Variants in ZNF462 observed in about 807,000 individuals in gnomAD.
The protein encoded by ZNF462 is zinc finger protein 462.
ZNF462 carries 10 observed loss-of-function variants against 201.9 expected under a neutral mutation model. That is an observed-to-expected ratio of 0.05 (90% CI 0.03 to 0.08). The LOEUF (loss-of-function observed/expected upper bound fraction) is 0.08. Among genes scored for constraint, ZNF462 ranks in the 10% least tolerant of loss-of-function variants. The pLI, the probability that ZNF462 is intolerant of heterozygous loss-of-function variation, is 1.00. For missense variants in ZNF462, 2,523 were observed against 3,168.3 expected (o/e 0.80, Z 4.89); for synonymous variants, 1,227 against 1,193.3 (o/e 1.03, Z -0.58).
At chr9:106,991,119 T>A (rs1331502333) in intron 10 of ZNF462, among the ~76,000 whole-genome samples, 3 of 152,006 alleles carry the variant, frequency 2.0e-5, no homozygotes, top group Admixed American at 6.6e-5. Flanking sequence ...GAAACACAAC[T>A]TTTTATTTAT....
In ZNF462 at chr9:107,012,714, T is replaced by TTG. The variant is rs1829990394; in HGVS notation, c.*1685_*1686insGT. ...GTGTGAATCCTTTGGTTTTCATGTT[T>TTG]TTTTTTTTTTTTTTTTACTTGGAAG... On this transcript the variant is annotated 3_prime_UTR_variant, in exon 13 of 13. Transcript: ENST00000277225. 1 of 117,412 alleles carries TTG rather than the reference T, an allele frequency of 8.5e-6. No homozygotes were observed. Among genetic ancestry groups the TTG allele is most frequent in the African/African-American group, 5.4e-5 (1 of 18,430 alleles). 7.3% of individuals were successfully genotyped at this position (117,412 alleles called of 1,614,324 possible).
intron 1 of ZNF462, among the ~76,000 whole-genome samples, chr9:106,896,132 T>C (rs1451286218): frequency 2.0e-5 from 3 of 152,158 alleles, no homozygotes; most frequent in African/African-American, 4.8e-5. Context: ...TTTTTAATGT[T>C]AGTCTCATCC....
chr9:106,953,793 C>T (rs1831459013), intron 7 of ZNF462, among the ~76,000 whole-genome samples: 1 of 152,116 alleles, frequency 6.6e-6, no homozygotes, highest in Non-Finnish European at 1.5e-5. Context: ...ATTCAACCTT[C>T]ATTTCAAAGG....
Position 106,914,610 on chromosome 9 carries a change from G to A in ZNF462, c.-30-8744G>A, listed in dbSNP as rs368192593. 8.5e-5 allele frequency among the ~76,000 whole-genome samples: 13 copies of A among 152,282 alleles called. No homozygotes were observed. The East Asian group carries it at 1.5e-3, about 18-fold the overall frequency. The stretch of plus-strand genomic sequence containing the variant: ...TCATTTGTTCCTTCCTTCATTCAGC[G>A]TATATTTCTGAGTACCTGTTGAGTA... On this transcript the variant is annotated intron_variant, in intron 1 of 12. Coordinates refer to ENST00000277225, the MANE Select transcript of ZNF462 (RefSeq NM_021224.6).
At chr9:106,967,870 CTTTT>C (rs911002653) in intron 7 of ZNF462, among the ~76,000 whole-genome samples, 2 of 152,102 alleles carry the variant, frequency 1.3e-5, no homozygotes, top group African/African-American at 4.8e-5. Context: ...TATTCTTTCT[CTTTT>C]TGAGTCTTGC....
At chr9:106,948,927 A>C (rs1435990776) in intron 7 of ZNF462, among the ~76,000 whole-genome samples, 1 of 152,120 alleles carries the variant, frequency 6.6e-6, no homozygotes, top group Non-Finnish European at 1.5e-5. Context: ...AGATTTTGCC[A>C]ATCAAAAATT....
intron 7 of ZNF462, among the ~76,000 whole-genome samples, chr9:106,961,950 A>T (rs1246078004): frequency 6.6e-6 from 1 of 152,034 alleles, no homozygotes; most frequent in Non-Finnish European, 1.5e-5. Flanking sequence ...TGAATATTAG[A>T]AGCCTTGTAT....
intron 7 of ZNF462, among the ~76,000 whole-genome samples, chr9:106,940,752 GT>G (rs112299391): frequency 7.4e-5 from 11 of 148,972 alleles, no homozygotes; most frequent in South Asian, 4.3e-4. Flanking sequence ...AGCCTGTAGT[GT>G]TTTTTTTTTC....
intron 10 of ZNF462, among the ~76,000 whole-genome samples, chr9:106,992,964 C>T (rs1012470766): frequency 5.9e-5 from 9 of 152,182 alleles, no homozygotes; most frequent in African/African-American, 1.4e-4. Flanking sequence ...CAACAAGATA[C>T]TCAAGATCCG....
At chr9:106,877,782 G>C (rs1359409530) in intron 1 of ZNF462, among the ~76,000 whole-genome samples, 2 of 152,152 alleles carry the variant, frequency 1.3e-5, no homozygotes, top group African/African-American at 2.4e-5. Flanking sequence ...TTTATTTACT[G>C]GTGTTCAAAT....
Position 106,876,589 on chromosome 9 carries a change from A to C in ZNF462, c.-31+13234A>C, listed in dbSNP as rs1304758587. On this transcript the variant is annotated intron_variant, in intron 1 of 12. Transcript: ENST00000277225. This position sits in a 1 kb window ranked among gnomAD's most constrained non-coding sequence, Gnocchi z 4.9. ...ACTCTGTATTGCTGTGTGTGCATTC[A>C]GTAGGAGCTTGTAAACTACCCGAGA... Among the ~76,000 whole-genome samples, 2 of 152,214 alleles carry C rather than the reference A, an allele frequency of 1.3e-5. No homozygotes were observed. The highest frequency in any genetic ancestry group is 2.4e-5 in the African/African-American group (1 of 41,460).
Position 106,865,249 on chromosome 9 carries a change from C to T in ZNF462, c.-31+1894C>T, listed in dbSNP as rs1007020566. The stretch of plus-strand genomic sequence containing the variant: ...AGTGGACCTGAAGGGTTTTGACCTC[C>T]TTCAGGAAAGGCAAGGCAAAAACCT... On this transcript the variant is annotated intron_variant, in intron 1 of 12. Transcript: ENST00000277225. This position sits in a 1 kb window ranked among gnomAD's most constrained non-coding sequence, Gnocchi z 4.1. Among the ~76,000 whole-genome samples the T allele has an allele frequency of 1.1e-4, 17 of 152,080 alleles. No individual in the cohort carries two copies. The highest frequency in any genetic ancestry group is 1.0e-3 in the Admixed American group (16 of 15,276).
At chr9:106,916,567 T>TC (rs1289382896) in intron 1 of ZNF462, among the ~76,000 whole-genome samples, 3 of 152,106 alleles carry the variant, frequency 2.0e-5, no homozygotes, top group Non-Finnish European at 2.9e-5. Flanking sequence ...GAGGTTTAGC[T>TC]CTGGGGGGGG....
rs114164223 is a variant in ZNF462 at position 106,924,039 on chromosome 9, T to G, written c.221-94T>G. The stretch of plus-strand genomic sequence containing the variant: ...CTTCAGGCCTTTTGCATGTGATGTT[T>G]AGTAATGAAGAATAATTGGAATGGT... On this transcript the variant is annotated intron_variant, in intron 2 of 12. Transcript: ENST00000277225. This position sits in a 1 kb window ranked among gnomAD's most constrained non-coding sequence, Gnocchi z 6.2. 1 of 1,074,376 alleles carries G rather than the reference T, an allele frequency of 9.3e-7. No individual in the cohort carries two copies. The allele number at this position is 1,074,376 out of a possible 1,614,324, so 66.6% of individuals were successfully genotyped here.
rs1351668832 is a variant in ZNF462, at chr9:107,010,905, A to G, written c.7396A>G (p.Ile2466Val). The change falls in exon 13 of 13, where the codon ATA (isoleucine) becomes GTA (valine). Residue 2466 changes from isoleucine to valine, a missense_variant. Ile to Val is a conservative substitution (Grantham distance 29, BLOSUM62 3). Coordinates refer to ENST00000277225, the MANE Select transcript of ZNF462 (RefSeq NM_021224.6). This position sits in a 1 kb window ranked among gnomAD's most constrained non-coding sequence, Gnocchi z 4.6. The stretch of plus-strand genomic sequence containing the variant: ...GGAGAACAGTGTTAAAATGCCCTCC[A>G]TAGAGGAAAAGGAAGATGACGAGGC... ...IMENSVKMPS[I>V]EEKEDDEAIG... The G allele has an allele frequency of 2.5e-6, 4 of 1,613,770 alleles. No homozygotes were observed. The Admixed American group carries it at 5.0e-5, about 20-fold the overall frequency.
In ZNF462 at chr9:106,870,656, A is replaced by T. The variant is rs1351714363; in HGVS notation, c.-31+7301A>T. 2.6e-5 allele frequency among the ~76,000 whole-genome samples: 4 copies of T among 152,206 alleles called. No individual in the cohort carries two copies. The highest frequency in any genetic ancestry group is 5.9e-5 in the Non-Finnish European group (4 of 68,034). On this transcript the variant is annotated intron_variant, in intron 1 of 12. Coordinates refer to ENST00000277225, the MANE Select transcript of ZNF462 (RefSeq NM_021224.6). The surrounding 1 kb of genome is among the most constrained non-coding windows in gnomAD (Gnocchi z 4.3). ...ATCCTGATTAGAATGTTTTAGGATCACTTAGTAGGAAATTAAGCATTTGCC... is the reference window on the plus strand; with the variant it reads ...ATCCTGATTAGAATGTTTTAGGATCTCTTAGTAGGAAATTAAGCATTTGCC...
rs140066544 is a variant in ZNF462, at chr9:106,976,945, C to T, written c.6832+2672C>T. ...GGCTTGTCTGACCCACAGCTCTTGC[C>T]TTTACCCACCAGGCGTCACTCTCTC... On this transcript the variant is annotated intron_variant, in intron 9 of 12. Coordinates refer to ENST00000277225, the MANE Select transcript of ZNF462 (RefSeq NM_021224.6). 2.9e-3 allele frequency among the ~76,000 whole-genome samples: 437 copies of T among 152,262 alleles called. 1 individual carries two copies. Among genetic ancestry groups the T allele is most frequent in the African/African-American group, 0.01 (434 of 41,542 alleles).
In ZNF462 at chr9:107,009,459, G is replaced by C; in HGVS notation, c.7190-86G>C. ...CACATGGCTTTATCAGTGAAGGTAG[G>C]AGAGAGGGTATCCTAATGAATGCTG... is the stretch of plus-strand genomic sequence containing the variant. On this transcript the variant is annotated intron_variant, in intron 11 of 12. Coordinates refer to ENST00000277225, the MANE Select transcript of ZNF462 (RefSeq NM_021224.6). This position sits in a 1 kb window ranked among gnomAD's most constrained non-coding sequence, Gnocchi z 6.1. The C allele has an allele frequency of 6.4e-7, 1 of 1,556,382 alleles. No individual in the cohort carries two copies. Among genetic ancestry groups the C allele is most frequent in the Non-Finnish European group, 8.8e-7 (1 of 1,140,824 alleles).
rs1474067427 is a variant in ZNF462 at position 106,902,021 on chromosome 9, A to G, written c.-30-21333A>G. Among the ~76,000 whole-genome samples the G allele has an allele frequency of 1.3e-5, 2 of 152,048 alleles. No individual in the cohort carries two copies. The highest frequency in any genetic ancestry group is 4.8e-5 in the African/African-American group (2 of 41,430). On this transcript the variant is annotated intron_variant, in intron 1 of 12. Coordinates refer to ENST00000277225, the MANE Select transcript of ZNF462 (RefSeq NM_021224.6). This position sits in a 1 kb window ranked among gnomAD's most constrained non-coding sequence, Gnocchi z 4.2. ...CCAGTTCTCAGAGGGAGAGCTTTCA[A>G]CTTTCCCCATTCAGTATTATGCTGG...
Sources: gnomAD v4.1 joint callset for allele counts (sites outside exome capture counted in the v4.1 genomes callset) on GRCh38, gnomAD v4.1.1 for gene constraint, Gnocchi (gnomAD v3.1) non-coding constraint, MANE v1.5 for transcripts, NCBI Gene and HGNC (gene_info 2026-07-23, HGNC 2026-07-21) for gene names.